MPRIP: variants seen among roughly 807,000 people sequenced by gnomAD.
The protein encoded by MPRIP is myosin phosphatase Rho interacting protein.
MPRIP carries 59 observed loss-of-function variants against 234.9 expected under a neutral mutation model. The ratio of observed to expected loss-of-function variants is 0.25; its 90% confidence interval spans 0.20 to 0.31. The LOEUF (loss-of-function observed/expected upper bound fraction) is 0.31, where lower values mean the gene tolerates loss of function less well. MPRIP is among the 10% of genes least tolerant of loss of function. MPRIP has a pLI of 1.00. For missense variants in MPRIP, 2,436 were observed against 3,071.0 expected, an observed-to-expected ratio of 0.79 and a Z score of 4.89; for synonymous variants, 1,144 against 1,263.9, an observed-to-expected ratio of 0.91 and a Z score of 2.01.
chr17:17,098,466 C>A (rs1031409334), intron 3 of MPRIP, among the ~76,000 whole-genome samples: 4 of 152,314 alleles, frequency 2.6e-5, no homozygotes, highest in Admixed American at 2.6e-4. Context: ...AGATCTCCCT[C>A]TCTTGACAGG....
intron 3 of MPRIP, among the ~76,000 whole-genome samples, chr17:17,120,314 T>G (rs969858433): frequency 2.0e-5 from 3 of 152,132 alleles, no homozygotes; most frequent in Admixed American, 2.0e-4. Context: ...CCAAAAGTGC[T>G]TCTGCTTGGG....
chr17:17,109,702 A>G (rs1297595621), intron 3 of MPRIP, among the ~76,000 whole-genome samples: 2 of 152,158 alleles, frequency 1.3e-5, no homozygotes. Flanking sequence ...CTTGATTTTT[A>G]ATGGCACTTT....
At chr17:17,137,316 C>T (rs541949668) in intron 6 of MPRIP, among the ~76,000 whole-genome samples, 17 of 152,202 alleles carry the variant, frequency 1.1e-4, no homozygotes, top group African/African-American at 4.1e-4. Flanking sequence ...GAGTTTGAGA[C>T]CAGCCTGGCC....
At chr17:17,072,959 G>A (rs890342049) in intron 1 of MPRIP, among the ~76,000 whole-genome samples, 7 of 152,014 alleles carry the variant, frequency 4.6e-5, no homozygotes, top group East Asian at 1.9e-4. Context: ...CACGTCATAC[G>A]TTTAACCCAT....
intron 15 of MPRIP, among the ~76,000 whole-genome samples, chr17:17,162,815 G>A (rs993643977): frequency 6.6e-6 from 1 of 152,160 alleles, no homozygotes; most frequent in Admixed American, 6.6e-5. Flanking sequence ...TTTTGGATTG[G>A]GGATGCTCAC....
At chr17:17,057,140 C>T (rs1567685234) in intron 1 of MPRIP, among the ~76,000 whole-genome samples, 2 of 152,204 alleles carry the variant, frequency 1.3e-5, no homozygotes, top group African/African-American at 4.8e-5. Context: ...CACCTGGAGC[C>T]ACATGTCAGC....
intron 9 of MPRIP, among the ~76,000 whole-genome samples, chr17:17,145,617 G>A (rs1270050318): frequency 6.6e-6 from 1 of 152,242 alleles, no homozygotes; most frequent in Non-Finnish European, 1.5e-5. Flanking sequence ...CAGGCTTCCT[G>A]TGGCTTCTGC....
intron 23 of MPRIP, 102 bp from the exon 24 acceptor site, chr17:17,184,721 A>G (rs2046439929): frequency 1.2e-6 from 1 of 833,828 alleles, no homozygotes. Context: ...CGGCTCTCTG[A>G]CTGATGCCGG....
chr17:17,112,413 G>T (rs2090191069), intron 3 of MPRIP, among the ~76,000 whole-genome samples: 1 of 152,168 alleles, frequency 6.6e-6, no homozygotes, highest in South Asian at 2.1e-4. Flanking sequence ...GAAGTCTGTG[G>T]CAGGCACCAT....
chr17:17,124,043 T>C (rs1325083984), intron 3 of MPRIP, among the ~76,000 whole-genome samples: 2 of 152,214 alleles, frequency 1.3e-5, no homozygotes, highest in Non-Finnish European at 2.9e-5. Flanking sequence ...TGCCTTTTAT[T>C]AATGCTTCTG....
rs1462061630 is a variant in MPRIP at position 17,191,498 on chromosome 17, C to T, written c.*6604C>T. The T allele has an allele frequency of 3.3e-5, 5 of 152,210 alleles. No individual in the cohort carries two copies. The highest frequency in any genetic ancestry group is 1.3e-4 in the Admixed American group (2 of 15,282). The allele number at this position is 152,210 out of a possible 1,614,324, so 9.4% of individuals were successfully genotyped here. On this transcript the variant is annotated 3_prime_UTR_variant, in exon 24 of 24. Transcript: ENST00000651222. Reference sequence around the variant, plus strand: ...TATTTTTGTCAGATTGGTAAGGAAACACTGAGTCACAGAATACTTAAGAAT... The same window carrying T: ...TATTTTTGTCAGATTGGTAAGGAAATACTGAGTCACAGAATACTTAAGAAT...
At chr17:17,130,717 C>T (rs1404533202) in intron 4 of MPRIP, among the ~76,000 whole-genome samples, 2 of 152,088 alleles carry the variant, frequency 1.3e-5, no homozygotes, top group Admixed American at 6.5e-5. Context: ...CACAACCAGG[C>T]CCAGGGCTGG....
chr17:17,187,178 G>T lies in MPRIP; in HGVS notation c.*2284G>T, dbSNP rs2046491962. On this transcript the variant is annotated 3_prime_UTR_variant, in exon 24 of 24. Transcript: ENST00000651222. ...CAGTGCTTTAAATTAAAGCAAGTTTGCCCATAGGACAAAAGAGCATTTGAT... is the reference window on the plus strand; with the variant it reads ...CAGTGCTTTAAATTAAAGCAAGTTTTCCCATAGGACAAAAGAGCATTTGAT... 1 of 152,218 alleles carries T rather than the reference G, an allele frequency of 6.6e-6. No homozygotes were observed. Among genetic ancestry groups the T allele is most frequent in the South Asian group, 2.1e-4 (1 of 4,830 alleles). 9.4% of individuals were successfully genotyped at this position (152,218 alleles called of 1,614,324 possible).
Position 17,095,747 on chromosome 17 carries a change from C to T in MPRIP, c.267+17671C>T, listed in dbSNP as rs191942234. Among the ~76,000 whole-genome samples, 31 of 152,272 alleles carry T rather than the reference C, an allele frequency of 2.0e-4. 1 individual carries two copies. In the East Asian group the frequency reaches 5.0e-3, roughly 25 times the overall value. ...GCCCTGGGATCTGCCTGCCCTTGTA[C>T]GGGTGCTGATCAGTTCTCCTGCTCT... On this transcript the variant is annotated intron_variant, in intron 3 of 23. Coordinates refer to ENST00000651222, the MANE Select transcript of MPRIP (RefSeq NM_001364716.4).
At chr17:17,117,026 C>G (rs940801615) in intron 3 of MPRIP, among the ~76,000 whole-genome samples, 8 of 152,224 alleles carry the variant, frequency 5.3e-5, no homozygotes, top group African/African-American at 1.7e-4. Flanking sequence ...GTGCCCCCTC[C>G]CCTTGCAGAA....
At position 17,042,710 on chromosome 17, in the gene MPRIP, CG is replaced by C; in HGVS notation, c.-136del. On this transcript the variant is annotated 5_prime_UTR_variant, in exon 1 of 24. Coordinates refer to ENST00000651222, the MANE Select transcript of MPRIP (RefSeq NM_001364716.4). Reference sequence around the variant, plus strand: ...TCGGCGCGTGCAGCGAACCGCCCGCCGGGAAGGAGGCCGGGCCGGGCCTGCG... The same window carrying C: ...TCGGCGCGTGCAGCGAACCGCCCGCCGGAAGGAGGCCGGGCCGGGCCTGCG... 1 of 924,034 alleles carries C rather than the reference CG, an allele frequency of 1.1e-6. No individual in the cohort carries two copies. The highest frequency in any genetic ancestry group is 1.3e-6 in the Non-Finnish European group (1 of 778,424). The allele number at this position is 924,034 out of a possible 1,614,324, so 57.2% of individuals were successfully genotyped here.
At chr17:17,169,583 G>C (rs8076952) in intron 16 of MPRIP, among the ~76,000 whole-genome samples, 2,412 of 152,350 alleles carry the variant, frequency 0.016, 60 homozygotes, top group African/African-American at 0.055. Flanking sequence ...CCTCCCAGGG[G>C]CTTGGACACT....
At chr17:17,169,571 C>G (rs1398609890) in intron 16 of MPRIP, among the ~76,000 whole-genome samples, 1 of 152,244 alleles carries the variant, frequency 6.6e-6, no homozygotes, top group African/African-American at 2.4e-5. Context: ...CGGGATGAGG[C>G]CCCTCCCAGG....
chr17:17,113,877 TTTCTTTTC>T (rs2090223146), intron 3 of MPRIP, among the ~76,000 whole-genome samples: 1 of 132,270 alleles, frequency 7.6e-6, no homozygotes, highest in African/African-American at 3.6e-5. Context: ...TTTCTTTTCT[TTTCTTTTC>T]TTTTTTTTTT....
Sources: gnomAD v4.1 joint callset for allele counts (sites outside exome capture counted in the v4.1 genomes callset) on GRCh38, gnomAD v4.1.1 for gene constraint, MANE v1.5 for transcripts, NCBI Gene and HGNC (gene_info 2026-07-23, HGNC 2026-07-21) for gene names.